FARS2: variants seen among roughly 807,000 people sequenced by gnomAD.
The protein encoded by FARS2 is phenylalanyl-tRNA synthetase 2, mitochondrial.
A neutral mutation model predicts 46.4 loss-of-function variants in FARS2; 40 were observed. The ratio of observed to expected loss-of-function variants is 0.86; its 90% confidence interval spans 0.67 to 1.12. The LOEUF (loss-of-function observed/expected upper bound fraction) is 1.12. Ranked by LOEUF, FARS2 falls within the 50% of genes most tolerant of loss-of-function variation. The pLI, the probability that FARS2 is intolerant of heterozygous loss-of-function variation, is 0.00. For missense variants in FARS2, 513 were observed against 567.9 expected (o/e 0.90, Z 0.98); for synonymous variants, 234 against 214.9 (o/e 1.09, Z -0.78).
intron 1 of FARS2, among the ~76,000 whole-genome samples, chr6:5,273,404 C>T (rs945139499): frequency 6.6e-6 from 1 of 152,106 alleles, no homozygotes; most frequent in Non-Finnish European, 1.5e-5. Context: ...ATTTGCATTT[C>T]TCTGATGATT....
intron 4 of FARS2, among the ~76,000 whole-genome samples, chr6:5,479,938 A>G (rs1766352825): frequency 1.3e-5 from 2 of 152,224 alleles, no homozygotes; most frequent in Admixed American, 6.5e-5. Flanking sequence ...GGGCAGGACC[A>G]TTGGAAGAGT....
intron 6 of FARS2, among the ~76,000 whole-genome samples, chr6:5,660,483 C>CA (rs891116636): frequency 1.3e-5 from 2 of 151,746 alleles, no homozygotes; most frequent in South Asian, 2.1e-4. Context: ...CCCATCTCTA[C>CA]AAAAAATTAA....
chr6:5,409,038 G>A (rs923680616), intron 3 of FARS2, among the ~76,000 whole-genome samples: 6 of 152,144 alleles, frequency 3.9e-5, no homozygotes, highest in African/African-American at 9.7e-5. Flanking sequence ...TTGTATTTGC[G>A]TAGCTTTCAA....
chr6:5,682,373 T>C (rs1324852682), intron 6 of FARS2, among the ~76,000 whole-genome samples: 2 of 152,234 alleles, frequency 1.3e-5, no homozygotes, highest in Non-Finnish European at 2.9e-5. Context: ...TTTCATCATA[T>C]ACCAGACACT....
At chr6:5,608,143 G>A (rs767471264) in intron 5 of FARS2, among the ~76,000 whole-genome samples, 4 of 152,070 alleles carry the variant, frequency 2.6e-5, no homozygotes, top group Non-Finnish European at 4.4e-5. Context: ...TCAAATATAA[G>A]GATATCGTTT....
chr6:5,722,603 T>G (rs1428578479), intron 6 of FARS2, among the ~76,000 whole-genome samples: 1 of 152,148 alleles, frequency 6.6e-6, no homozygotes, highest in African/African-American at 2.4e-5. Context: ...GAAGAACCCC[T>G]GTGCTGAGCA....
At position 5,267,172 on chromosome 6, in the gene FARS2, C is replaced by T. The variant is rs953489910; in HGVS notation, c.-22+5512C>T. On this transcript the variant is annotated intron_variant, in intron 1 of 6. Transcript: ENST00000274680. ...GGTTTTTTTTCTTAAAAAAAAAAAA[C>T]TCATTAATTCTTTTCATTGTAAAGG... Among the ~76,000 whole-genome samples the T allele has an allele frequency of 5.5e-5, 6 of 108,648 alleles. No homozygotes were observed. In the East Asian group the frequency reaches 1.9e-3, roughly 34 times the overall value. 71.3% of individuals were successfully genotyped at this position (108,648 alleles called of 152,430 possible).
chr6:5,625,628 A>G lies in FARS2; in HGVS notation c.1217+12308A>G, dbSNP rs1005000913. On this transcript the variant is annotated intron_variant, in intron 6 of 6. Transcript: ENST00000274680. ...GACAAGTGGCCAGTGGACACTGTGG[A>G]TATGTGTGGTGGGGCAGATGAGTGG... 2.0e-5 allele frequency among the ~76,000 whole-genome samples: 3 copies of G among 152,074 alleles called. No individual in the cohort carries two copies. In the East Asian group the frequency reaches 5.8e-4, roughly 29 times the overall value.
intron 3 of FARS2, among the ~76,000 whole-genome samples, chr6:5,408,153 C>G (rs1369665243): frequency 6.6e-6 from 1 of 152,206 alleles, no homozygotes; most frequent in African/African-American, 2.4e-5. Flanking sequence ...TACTCCCTGT[C>G]TTCAAAGAGC....
intron 6 of FARS2, among the ~76,000 whole-genome samples, chr6:5,700,606 C>T (rs1758369049): frequency 6.6e-6 from 1 of 152,102 alleles, no homozygotes; most frequent in Non-Finnish European, 1.5e-5. Flanking sequence ...CCATGTTGGC[C>T]AGGCTGGTCT....
chr6:5,288,922 T>C lies in FARS2; in HGVS notation c.-22+27262T>C, dbSNP rs1401467484. Among the ~76,000 whole-genome samples the C allele has an allele frequency of 3.9e-5, 6 of 152,212 alleles. No individual in the cohort carries two copies. In the East Asian group the frequency reaches 1.2e-3, roughly 29 times the overall value. Reference sequence around the variant, plus strand: ...AAATTTTAGGGCTGTTGTAAACATATATAGCTGTAGATCAAGTCATTTATT... The same window carrying C: ...AAATTTTAGGGCTGTTGTAAACATACATAGCTGTAGATCAAGTCATTTATT... On this transcript the variant is annotated intron_variant, in intron 1 of 6. Transcript: ENST00000274680.
At chr6:5,340,121 A>G (rs1032862632) in intron 1 of FARS2, among the ~76,000 whole-genome samples, 2 of 152,192 alleles carry the variant, frequency 1.3e-5, no homozygotes, top group South Asian at 4.1e-4. Flanking sequence ...TTTCACATCT[A>G]CTTATCACAG....
intron 5 of FARS2, among the ~76,000 whole-genome samples, chr6:5,562,800 CTTTTTCTTTTTTT>C: frequency 1.4e-5 from 2 of 140,396 alleles, no homozygotes; most frequent in South Asian, 2.3e-4. Flanking sequence ...TTTCTTTTTT[CTTTTTCTTTTTTT>C]TTTTTTTTTA....
At chr6:5,506,680 A>G (rs543782670) in intron 4 of FARS2, among the ~76,000 whole-genome samples, 1 of 152,342 alleles carries the variant, frequency 6.6e-6, no homozygotes, top group South Asian at 2.1e-4. Context: ...GAGCCTGGGA[A>G]GGATCTGCTT....
chr6:5,283,480 T>G (rs1581688240), intron 1 of FARS2, among the ~76,000 whole-genome samples: 2 of 139,352 alleles, frequency 1.4e-5, no homozygotes, highest in Admixed American at 7.6e-5. Context: ...ACCCAGGAGG[T>G]GGAAGCTGCA....
chr6:5,263,073 A>G (rs896630460), intron 1 of FARS2, among the ~76,000 whole-genome samples: 2 of 152,228 alleles, frequency 1.3e-5, no homozygotes, highest in Non-Finnish European at 2.9e-5. Context: ...ATCAGAGTGA[A>G]AAGGAAAAAC....
chr6:5,358,719 C>G (rs1308417453), intron 1 of FARS2, among the ~76,000 whole-genome samples: 3 of 152,150 alleles, frequency 2.0e-5, no homozygotes, highest in African/African-American at 7.2e-5. Flanking sequence ...ATTAATTTTG[C>G]AGTGTCTTTG....
At chr6:5,706,566 C>T (rs1308685857) in intron 6 of FARS2, among the ~76,000 whole-genome samples, 1 of 152,050 alleles carries the variant, frequency 6.6e-6, no homozygotes, top group African/African-American at 2.4e-5. Flanking sequence ...TGACAGTAGC[C>T]CAGGGAGGTT....
intron 4 of FARS2, chr6:5,452,151 G>A (rs2150269625): frequency 6.6e-6 from 1 of 152,492 alleles, no homozygotes; most frequent in East Asian, 1.9e-4. Context: ...TGGCCTAAGG[G>A]AATTATTTGA....
Sources: gnomAD v4.1 joint callset for allele counts (sites outside exome capture counted in the v4.1 genomes callset) on GRCh38, gnomAD v4.1.1 for gene constraint, MANE v1.5 for transcripts, NCBI Gene and HGNC (gene_info 2026-07-23, HGNC 2026-07-21) for gene names.